The following FBXL17 variants were observed in gnomAD, a reference collection of about 807,000 sequenced individuals.
FBXL17 encodes F-box/LRR-repeat protein 17.
FBXL17 carries 22 observed loss-of-function variants against 66.2 expected under a neutral mutation model. The observed-to-expected ratio is 0.33, with a 90% CI of 0.24 to 0.47. FBXL17 has a LOEUF of 0.47. FBXL17 is among the 20% of genes least tolerant of loss of function. FBXL17 has a pLI of 1.00. For synonymous variants in FBXL17, 474 were observed against 400.5 expected, an observed-to-expected ratio of 1.18 and a Z score of -2.19; for missense variants, 878 against 948.2, an observed-to-expected ratio of 0.93 and a Z score of 0.97.
intron 6 of FBXL17, among the ~76,000 whole-genome samples, chr5:108,149,271 T>C (rs1751677653): frequency 6.6e-6 from 1 of 152,258 alleles, no homozygotes. Flanking sequence ...TAAAAAGCCT[T>C]AATTATGTAA....
At chr5:108,181,116 AC>A (rs1424094075) in intron 6 of FBXL17, among the ~76,000 whole-genome samples, 22 of 152,336 alleles carry the variant, frequency 1.4e-4, no homozygotes, top group African/African-American at 5.0e-4. Flanking sequence ...CCAGTTTTTT[AC>A]ACATCAGCTG....
In FBXL17 at chr5:108,381,404, G is replaced by C; in HGVS notation, c.288C>G (p.Ser96=). 2 of 1,326,240 alleles carry C rather than the reference G, an allele frequency of 1.5e-6. No individual in the cohort carries two copies. Among genetic ancestry groups the C allele is most frequent in the Non-Finnish European group, 1.9e-6 (2 of 1,047,218 alleles). The allele number at this position is 1,326,240 out of a possible 1,614,324, so 82.2% of individuals were successfully genotyped here. Residue 96 remains serine, a synonymous_variant, in exon 1 of 9, where the codon TCC becomes TCG. Coordinates refer to ENST00000542267, the MANE Select transcript of FBXL17 (RefSeq NM_001163315.3). Reference sequence around the variant, plus strand: ...CGTAGCGCCGCGCCAGGTGCTGAGAGGAGGAGGCGGCAGCGTAGGCCCCGT... The same window carrying C: ...CGTAGCGCCGCGCCAGGTGCTGAGACGAGGAGGCGGCAGCGTAGGCCCCGT... ...PRDGAYAAAS[S]SQHLARRYAA...
At chr5:108,154,096 G>T (rs1009430229) in intron 6 of FBXL17, among the ~76,000 whole-genome samples, 2 of 151,814 alleles carry the variant, frequency 1.3e-5, no homozygotes, top group Non-Finnish European at 2.9e-5. Flanking sequence ...GTAAATGGTG[G>T]GTTACTTTAC....
At chr5:108,180,851 G>A (rs1364568082) in intron 6 of FBXL17, among the ~76,000 whole-genome samples, 1 of 151,952 alleles carries the variant, frequency 6.6e-6, no homozygotes, top group Non-Finnish European at 1.5e-5. Context: ...ATGGTCAACT[G>A]TCAAAGAAAG....
chr5:107,878,383 T>C, intron 8 of FBXL17: 1 of 761,272 alleles, frequency 1.3e-6, no homozygotes, highest in Non-Finnish European at 1.6e-6. Flanking sequence ...ATTTTATATA[T>C]AATAGACATT....
At chr5:108,165,292 G>T (rs546743003) in intron 6 of FBXL17, among the ~76,000 whole-genome samples, 2 of 151,366 alleles carry the variant, frequency 1.3e-5, no homozygotes, top group Non-Finnish European at 2.9e-5. Flanking sequence ...ACAGAAGGAA[G>T]TGGGTAAGTT....
intron 7 of FBXL17, among the ~76,000 whole-genome samples, chr5:107,919,603 C>T (rs1387827266): frequency 2.0e-5 from 3 of 152,190 alleles, no homozygotes; most frequent in Non-Finnish European, 4.4e-5. Context: ...ACACTGCTCT[C>T]ATCCCTGTTC....
chr5:108,243,618 T>C (rs1040551913), intron 4 of FBXL17, among the ~76,000 whole-genome samples: 1 of 152,204 alleles, frequency 6.6e-6, no homozygotes, highest in Non-Finnish European at 1.5e-5. Context: ...TTAAGTGTTT[T>C]AACTCTCTGA....
At chr5:108,216,959 A>G (rs1754628516) in intron 5 of FBXL17, among the ~76,000 whole-genome samples, 1 of 152,174 alleles carries the variant, frequency 6.6e-6, no homozygotes, top group Non-Finnish European at 1.5e-5. Flanking sequence ...GGGATCCCAG[A>G]AAAAGTTTCT....
intron 4 of FBXL17, among the ~76,000 whole-genome samples, chr5:108,322,425 T>G (rs539147395): frequency 1.3e-5 from 2 of 151,926 alleles, no homozygotes; most frequent in Admixed American, 1.3e-4. Flanking sequence ...AAAAGTGTGA[T>G]GTACATACTA....
chr5:108,125,082 C>T (rs1372646540), intron 6 of FBXL17, among the ~76,000 whole-genome samples: 1 of 151,788 alleles, frequency 6.6e-6, no homozygotes, highest in Non-Finnish European at 1.5e-5. Context: ...TCCTTGTTAT[C>T]TAGGTACCAG....
At position 108,241,052 on chromosome 5, in the gene FBXL17, C is replaced by T. The variant is rs114341930; in HGVS notation, c.1507-16824G>A. 6.5e-3 allele frequency among the ~76,000 whole-genome samples: 992 copies of T among 152,238 alleles called. 9 individuals are homozygous for T. The highest frequency in any genetic ancestry group is 0.023 in the African/African-American group (950 of 41,534). On this transcript the variant is annotated intron_variant, in intron 4 of 8. Transcript: ENST00000542267. ...GATGGGTATGAACAAGCCCAAACTG[C>T]AAAGACTATAACAAATACCTCTTTA...
chr5:108,120,867 C>T (rs1750464502), intron 6 of FBXL17, among the ~76,000 whole-genome samples: 1 of 152,058 alleles, frequency 6.6e-6, no homozygotes, highest in African/African-American at 2.4e-5. Context: ...TGGAAGCACT[C>T]AAATACTGAT....
chr5:108,305,293 G>C (rs147067308), intron 4 of FBXL17, among the ~76,000 whole-genome samples: 4 of 151,860 alleles, frequency 2.6e-5, no homozygotes, highest in Non-Finnish European at 4.4e-5. Context: ...AGACACATTG[G>C]GGGGATCAAC....
chr5:108,205,017 C>A (rs1440516155), intron 5 of FBXL17, among the ~76,000 whole-genome samples: 2 of 151,460 alleles, frequency 1.3e-5, no homozygotes, highest in East Asian at 1.9e-4. Flanking sequence ...CTCAAAAGAT[C>A]CCCTCATTTC....
chr5:108,337,923 T>C (rs1270641476), intron 4 of FBXL17, among the ~76,000 whole-genome samples: 2 of 152,020 alleles, frequency 1.3e-5, no homozygotes, highest in African/African-American at 4.8e-5. Flanking sequence ...CACACTTTTT[T>C]CCATTAAATT....
At chr5:108,120,139 T>C (rs912323700) in intron 6 of FBXL17, among the ~76,000 whole-genome samples, 5 of 152,286 alleles carry the variant, frequency 3.3e-5, no homozygotes, top group Non-Finnish European at 5.9e-5. Flanking sequence ...AAACAAACTC[T>C]CGTGGGGAAG....
chr5:108,263,648 A>G (rs1464939630), intron 4 of FBXL17, among the ~76,000 whole-genome samples: 1 of 152,216 alleles, frequency 6.6e-6, no homozygotes, highest in African/African-American at 2.4e-5. Context: ...ACATCACATT[A>G]TATTTGTTGC....
chr5:108,122,820 C>G (rs1302600405), intron 6 of FBXL17, among the ~76,000 whole-genome samples: 2 of 152,112 alleles, frequency 1.3e-5, no homozygotes, highest in Non-Finnish European at 2.9e-5. Context: ...ATAGTATGGT[C>G]TCATTCCTAG....
Sources: allele counts gnomAD v4.1 joint callset (sites outside exome capture counted in the v4.1 genomes callset), GRCh38; gene constraint gnomAD v4.1.1; transcripts MANE v1.5; gene names NCBI Gene and HGNC (gene_info 2026-07-23, HGNC 2026-07-21).